Variants in GRIK1 observed in about 807,000 individuals in gnomAD.
The protein encoded by GRIK1 is glutamate receptor ionotropic, kainate 1.
GRIK1 carries 69 observed loss-of-function variants against 105.7 expected under a neutral mutation model. The observed-to-expected ratio is 0.65, with a 90% confidence interval of 0.54 to 0.80. The LOEUF (loss-of-function observed/expected upper bound fraction) is 0.80. Among genes scored for constraint, GRIK1 ranks in the 30% least tolerant of loss-of-function variants. The pLI, the probability that GRIK1 is intolerant of heterozygous loss-of-function variation, is 0.00. For synonymous variants in GRIK1, 438 were observed against 431.3 expected (o/e 1.02, Z -0.19); for missense variants, 1,109 against 1,167.3 (o/e 0.95, Z 0.73).
chr21:29,792,245 GGAATAA>G (rs899988700), intron 1 of GRIK1, among the ~76,000 whole-genome samples: 1 of 152,066 alleles, frequency 6.6e-6, no homozygotes, highest in Non-Finnish European at 1.5e-5. Flanking sequence ...TGAATTTACT[GGAATAA>G]GAGGTGCTTT....
intron 1 of GRIK1, among the ~76,000 whole-genome samples, chr21:29,702,555 A>G (rs1337551205): frequency 6.6e-6 from 1 of 152,192 alleles, no homozygotes; most frequent in Non-Finnish European, 1.5e-5. Context: ...CTATTAAAAT[A>G]CAAAAATTAG....
At chr21:29,619,314 G>A (rs2061932399) in intron 7 of GRIK1, among the ~76,000 whole-genome samples, 1 of 151,408 alleles carries the variant, frequency 6.6e-6, no homozygotes. Context: ...GCGTGCACCT[G>A]TAGGCCCAGC....
intron 4 of GRIK1, among the ~76,000 whole-genome samples, chr21:29,661,743 C>G (rs2146601672): frequency 6.6e-6 from 1 of 152,306 alleles, no homozygotes; most frequent in Non-Finnish European, 1.5e-5. Context: ...TATGAAATCG[C>G]TGTAACCCTA....
At chr21:29,812,469 A>C (rs769406730) in intron 1 of GRIK1, among the ~76,000 whole-genome samples, 5 of 152,072 alleles carry the variant, frequency 3.3e-5, no homozygotes, top group Non-Finnish European at 7.4e-5. Flanking sequence ...CTTGACCTCA[A>C]ACTGTATTTT....
At chr21:29,846,487 A>AAG (rs2068128621) in intron 1 of GRIK1, among the ~76,000 whole-genome samples, 1 of 150,458 alleles carries the variant, frequency 6.6e-6, no homozygotes, top group South Asian at 2.1e-4. Context: ...GAAAGAAAGA[A>AAG]AGAAAGAAAG....
intron 3 of GRIK1, among the ~76,000 whole-genome samples, chr21:29,683,931 C>T (rs1019376466): frequency 6.6e-6 from 1 of 152,212 alleles, no homozygotes. Context: ...CTGAAATGCT[C>T]TCCCCCAGGT....
chr21:29,922,553 C>G (rs1217309758), intron 1 of GRIK1, among the ~76,000 whole-genome samples: 1 of 152,018 alleles, frequency 6.6e-6, no homozygotes, highest in Non-Finnish European at 1.5e-5. Flanking sequence ...AAGAAGCAAT[C>G]TTAGAAAAAA....
At chr21:29,793,914 C>T (rs2066490514) in intron 1 of GRIK1, among the ~76,000 whole-genome samples, 1 of 152,130 alleles carries the variant, frequency 6.6e-6, no homozygotes, top group Non-Finnish European at 1.5e-5. Flanking sequence ...ACAAACTTTG[C>T]CCTCGTGGAA....
intron 1 of GRIK1, among the ~76,000 whole-genome samples, chr21:29,757,723 A>G (rs2065387268): frequency 6.6e-6 from 1 of 152,228 alleles, no homozygotes; most frequent in South Asian, 2.1e-4. Flanking sequence ...CAACTTCTGC[A>G]TTAATGATAT....
rs753969984 is a variant in GRIK1 at position 29,828,007 on chromosome 21, CTCTCTGTGTG to C, written c.118+111366_118+111375del. 1.4e-4 allele frequency among the ~76,000 whole-genome samples: 18 copies of C among 124,196 alleles called. 1 individual carries two copies. Among genetic ancestry groups the C allele is most frequent in the East Asian group, 2.2e-4 (1 of 4,464 alleles). 81.5% of individuals were successfully genotyped at this position (124,196 alleles called of 152,430 possible). A position where few individuals can be genotyped will look rare whatever the true frequency, so the allele number is the denominator to read the frequency against. On this transcript the variant is annotated intron_variant, in intron 1 of 17. Transcript: ENST00000327783. ...TCTCTCTCTCTCTCTCTCTCTGTCT[CTCTCTGTGTG>C]TGTGTGTGTGTGTGTGTGGGTGTGT...
intron 1 of GRIK1, among the ~76,000 whole-genome samples, chr21:29,877,847 GA>G (rs2069247468): frequency 6.6e-6 from 1 of 152,144 alleles, no homozygotes; most frequent in African/African-American, 2.4e-5. Context: ...GAGACAGAGA[GA>G]TGAGAAAGTC....
intron 3 of GRIK1, among the ~76,000 whole-genome samples, chr21:29,677,499 G>A (rs1421769552): frequency 6.6e-6 from 1 of 151,816 alleles, no homozygotes; most frequent in Non-Finnish European, 1.5e-5. Context: ...TGTCTACTCG[G>A]TGCACTCAGA....
At chr21:29,873,626 C>CT (rs2069094564) in intron 1 of GRIK1, among the ~76,000 whole-genome samples, 1 of 152,110 alleles carries the variant, frequency 6.6e-6, no homozygotes, top group Non-Finnish European at 1.5e-5. Flanking sequence ...TCACAAGGAC[C>CT]TTTTTTATTA....
At chr21:29,737,200 C>G (rs76456839) in intron 1 of GRIK1, among the ~76,000 whole-genome samples, 347 of 152,284 alleles carry the variant, frequency 2.3e-3, no homozygotes, top group Admixed American at 3.6e-3. Flanking sequence ...GGTGGCTTAT[C>G]TGATGGTCTT....
At chr21:29,747,205 GT>G (rs2065068600) in intron 1 of GRIK1, among the ~76,000 whole-genome samples, 3 of 152,190 alleles carry the variant, frequency 2.0e-5, no homozygotes, top group African/African-American at 7.2e-5. Context: ...ATGTATTAGA[GT>G]ACTAAGAAAG....
chr21:29,672,916 A>G lies in GRIK1; in HGVS notation c.726+67T>C, dbSNP rs2063186257. 6 of 1,139,904 alleles carry G rather than the reference A, an allele frequency of 5.3e-6. No homozygotes were observed. The East Asian group carries it at 7.1e-5, about 13-fold the overall frequency. The allele number at this position is 1,139,904 out of a possible 1,614,324, so 70.6% of individuals were successfully genotyped here. A position where few individuals can be genotyped will look rare whatever the true frequency, so the allele number is the denominator to read the frequency against. On this transcript the variant is annotated intron_variant, in intron 4 of 17. Transcript: ENST00000327783. ...TTATGCTGCATTAAGTGAAAACTAGATGGCATTTTTGAAAAATAGAAAATA... is the reference window on the plus strand; with the variant it reads ...TTATGCTGCATTAAGTGAAAACTAGGTGGCATTTTTGAAAAATAGAAAATA...
At chr21:29,923,223 C>CT (rs1391626262) in intron 1 of GRIK1, among the ~76,000 whole-genome samples, 2 of 152,122 alleles carry the variant, frequency 1.3e-5, no homozygotes, top group Non-Finnish European at 1.5e-5. Context: ...TAGAGAAGTT[C>CT]TTTTTTCACT....
At chr21:29,714,545 C>T (rs574019479) in intron 1 of GRIK1, among the ~76,000 whole-genome samples, 74 of 152,236 alleles carry the variant, frequency 4.9e-4, no homozygotes, top group Admixed American at 2.9e-3. Context: ...CCAGTATGAA[C>T]ATCTTTGGCT....
At chr21:29,572,668 A>G (rs2090779600) in intron 14 of GRIK1, among the ~76,000 whole-genome samples, 1 of 152,110 alleles carries the variant, frequency 6.6e-6, no homozygotes, top group Admixed American at 6.5e-5. Flanking sequence ...TGGCTCTTCC[A>G]TTGCTAGCTT....
Sources: gnomAD v4.1 joint callset for allele counts (sites outside exome capture counted in the v4.1 genomes callset) on GRCh38, gnomAD v4.1.1 for gene constraint, MANE v1.5 for transcripts, NCBI Gene and HGNC (gene_info 2026-07-23, HGNC 2026-07-21) for gene names.